SLC41A2: variants seen among roughly 807,000 people sequenced by gnomAD.
The protein encoded by SLC41A2 is solute carrier family 41 member 2, also known as SLC41A1-like 1.
SLC41A2 carries 32 observed loss-of-function variants against 58.3 expected under a neutral mutation model. That is an observed-to-expected ratio of 0.55 (90% confidence interval 0.41 to 0.74). The LOEUF is 0.74. Ranked by LOEUF, SLC41A2 falls within the 30% of genes least tolerant of loss-of-function variation. The pLI is 0.00. For synonymous variants in SLC41A2, 190 were observed against 235.0 expected (o/e 0.81, Z 1.75); for missense variants, 514 against 680.6 (o/e 0.76, Z 2.72).
At chr12:104,930,701 A>G (rs2047018523) in intron 1 of SLC41A2, among the ~76,000 whole-genome samples, 1 of 152,230 alleles carries the variant, frequency 6.6e-6, no homozygotes, top group Admixed American at 6.5e-5. Context: ...CAGCCATTCT[A>G]AAGTTCAGAA....
At chr12:104,840,064 G>A (rs1283245346) in intron 10 of SLC41A2, among the ~76,000 whole-genome samples, 1 of 152,160 alleles carries the variant, frequency 6.6e-6, no homozygotes, top group Non-Finnish European at 1.5e-5. Flanking sequence ...ATGCTGTCAA[G>A]GGACTAGCCT....
At chr12:104,811,555 A>T (rs1446272647) in intron 10 of SLC41A2, among the ~76,000 whole-genome samples, 1 of 152,222 alleles carries the variant, frequency 6.6e-6, no homozygotes, top group Non-Finnish European at 1.5e-5. Flanking sequence ...GAGCACAAGA[A>T]GGGATAAACA....
chr12:104,886,834 C>T (rs2044694223), intron 5 of SLC41A2, among the ~76,000 whole-genome samples: 2 of 151,772 alleles, frequency 1.3e-5, no homozygotes, highest in African/African-American at 4.8e-5. Context: ...TGTATATGTA[C>T]AACAACTGGG....
chr12:104,873,620 C>T (rs1485964224), intron 6 of SLC41A2, among the ~76,000 whole-genome samples: 1 of 152,250 alleles, frequency 6.6e-6, no homozygotes, highest in South Asian at 2.1e-4. Flanking sequence ...TTCCATAAAA[C>T]TGCACCAATT....
At position 104,920,550 on chromosome 12, in the gene SLC41A2, T is replaced by C. The variant is rs568709213; in HGVS notation, c.555+7423A>G. On this transcript the variant is annotated intron_variant, in intron 2 of 10. Transcript: ENST00000258538. ...AAAGAGTCGGTGAGCTATTTGAAAA[T>C]ACACAGAGAAGAAAAAAAGAAAAAG... Among the ~76,000 whole-genome samples the C allele has an allele frequency of 3.2e-4, 49 of 151,470 alleles. 1 individual carries two copies. The South Asian group carries it at 3.8e-3, about 12-fold the overall frequency.
intron 10 of SLC41A2, among the ~76,000 whole-genome samples, chr12:104,840,737 G>GC (rs2042381761): frequency 6.6e-6 from 1 of 152,064 alleles, no homozygotes; most frequent in African/African-American, 2.4e-5. Flanking sequence ...CCTTCTAATT[G>GC]CAAGACACAT....
At chr12:104,945,107 T>C (rs1339829760) in intron 1 of SLC41A2, among the ~76,000 whole-genome samples, 1 of 148,302 alleles carries the variant, frequency 6.7e-6, no homozygotes, top group African/African-American at 2.5e-5. Flanking sequence ...GGAGGCAAGG[T>C]TGCAGTGAGC....
chr12:104,947,194 C>CTTTTTTTTTTTTTT lies in SLC41A2; in HGVS notation c.-168+10893_-168+10894insAAAAAAAAAAAAAA. Among the ~76,000 whole-genome samples, 34 of 53,688 alleles carry CTTTTTTTTTTTTTT rather than the reference C, an allele frequency of 6.3e-4. 7 individuals are homozygous for CTTTTTTTTTTTTTT. The highest frequency in any genetic ancestry group is 7.8e-4 in the Non-Finnish European group (22 of 28,160). The allele number at this position is 53,688 out of a possible 152,430, so 35.2% of individuals were successfully genotyped here. A position where few individuals can be genotyped will look rare whatever the true frequency, so the allele number is the denominator to read the frequency against. On this transcript the variant is annotated intron_variant, in intron 1 of 10. Coordinates refer to ENST00000258538, the MANE Select transcript of SLC41A2 (RefSeq NM_001352171.3). The stretch of plus-strand genomic sequence containing the variant: ...CTGAATTTCTGGCTTTTATTTTTGT[C>CTTTTTTTTTTTTTT]CTTTTTTTTTTTTTTTTTTTTTTTT...
At chr12:104,917,334 G>A in intron 2 of SLC41A2, among the ~76,000 whole-genome samples, 1 of 152,008 alleles carries the variant, frequency 6.6e-6, no homozygotes, top group Admixed American at 6.6e-5. Context: ...AACAGGTCCT[G>A]GAGAGGATGT....
chr12:104,822,817 A>T (rs988149285), intron 10 of SLC41A2, among the ~76,000 whole-genome samples: 5 of 152,152 alleles, frequency 3.3e-5, no homozygotes, highest in Non-Finnish European at 1.5e-5. Context: ...GTAAAAAAAA[A>T]TCAGAAGTAT....
At chr12:104,873,554 T>C (rs1440204382) in intron 6 of SLC41A2, among the ~76,000 whole-genome samples, 2 of 152,190 alleles carry the variant, frequency 1.3e-5, no homozygotes, top group East Asian at 1.9e-4. Context: ...AAAAGGGAGA[T>C]TGCTGAGTCA....
At chr12:104,902,087 ATAC>A (rs1378085394) in intron 3 of SLC41A2, among the ~76,000 whole-genome samples, 1 of 152,224 alleles carries the variant, frequency 6.6e-6, no homozygotes, top group African/African-American at 2.4e-5. Context: ...GTGAAAACAA[ATAC>A]TACATAAAAA....
intron 6 of SLC41A2, 30 bp from the exon 7 acceptor site, chr12:104,866,609 G>T: frequency 2.1e-6 from 3 of 1,417,620 alleles, no homozygotes; most frequent in South Asian, 1.3e-5. Flanking sequence ...AAAAAAGAGA[G>T]ACAACATTTA....
chr12:104,859,614 T>C (rs1268311154), intron 8 of SLC41A2, among the ~76,000 whole-genome samples: 1 of 152,126 alleles, frequency 6.6e-6, no homozygotes, highest in African/African-American at 2.4e-5. Context: ...ATAGGGAAAA[T>C]TTGTTCATTG....
At chr12:104,935,255 G>T (rs1234736649) in intron 1 of SLC41A2, among the ~76,000 whole-genome samples, 4 of 152,180 alleles carry the variant, frequency 2.6e-5, no homozygotes, top group African/African-American at 9.6e-5. Flanking sequence ...CACCACGCCC[G>T]GCCTGGAAGA....
intron 10 of SLC41A2, among the ~76,000 whole-genome samples, chr12:104,823,332 T>C (rs930986783): frequency 1.3e-5 from 2 of 152,082 alleles, no homozygotes; most frequent in African/African-American, 4.8e-5. Flanking sequence ...ACAGAAGAGT[T>C]TGCAATTTTA....
chr12:104,916,427 C>T (rs1450686966), intron 2 of SLC41A2, among the ~76,000 whole-genome samples: 1 of 152,046 alleles, frequency 6.6e-6, no homozygotes, highest in Non-Finnish European at 1.5e-5. Context: ...CAATGCCATC[C>T]CCATCAAGCT....
chr12:104,841,869 A>G (rs1300406322), intron 10 of SLC41A2, among the ~76,000 whole-genome samples: 3 of 152,148 alleles, frequency 2.0e-5, no homozygotes, highest in Non-Finnish European at 4.4e-5. Context: ...CCTGTGGGGA[A>G]TACCAAAGGG....
chr12:104,838,484 A>G (rs1259386650), intron 10 of SLC41A2, among the ~76,000 whole-genome samples: 1 of 152,236 alleles, frequency 6.6e-6, no homozygotes, highest in East Asian at 1.9e-4. Flanking sequence ...CATAAAATTC[A>G]AAAACAAGTA....
Sources: allele counts gnomAD v4.1 joint callset (sites outside exome capture counted in the v4.1 genomes callset), GRCh38; gene constraint gnomAD v4.1.1; transcripts MANE v1.5; gene names NCBI Gene and HGNC (gene_info 2026-07-23, HGNC 2026-07-21).